Variants in TBC1D16 observed in about 807,000 individuals in gnomAD.
TBC1D16 encodes CTD-2529O21.1.
A neutral mutation model predicts 74.7 loss-of-function variants in TBC1D16; 58 were observed. The ratio of observed to expected loss-of-function variants is 0.78; its 90% CI spans 0.63 to 0.97. The LOEUF (loss-of-function observed/expected upper bound fraction) is 0.97. TBC1D16 is among the 50% of genes least tolerant of loss of function. The pLI, the probability that TBC1D16 is intolerant of heterozygous loss-of-function variation, is 0.00. For synonymous variants in TBC1D16, 493 were observed against 474.7 expected (o/e 1.04, Z -0.50); for missense variants, 1,014 against 1,079.5 (o/e 0.94, Z 0.85).
chr17:79,963,763 G>T (rs1336317480), intron 3 of TBC1D16, among the ~76,000 whole-genome samples: 1 of 152,134 alleles, frequency 6.6e-6, no homozygotes, highest in Non-Finnish European at 1.5e-5. Flanking sequence ...TTTTTTGATA[G>T]TAGCCATCCT....
rs977786149 is a variant in TBC1D16 at position 79,954,805 on chromosome 17, G to A, written c.780-1987C>T. Among the ~76,000 whole-genome samples the A allele has an allele frequency of 2.0e-5, 3 of 152,046 alleles. No homozygotes were observed. Among genetic ancestry groups the A allele is most frequent in the African/African-American group, 7.2e-5 (3 of 41,416 alleles). On this transcript the variant is annotated intron_variant, in intron 3 of 11. Transcript: ENST00000310924. The surrounding 1 kb of genome is among the most constrained non-coding windows in gnomAD (Gnocchi z 5.5). ...CCATCAGAGGGTGGTATCCTTTCCCGCCTCCTCCCCCAGCCTTCTTACCAC... is the reference window on the plus strand; with the variant it reads ...CCATCAGAGGGTGGTATCCTTTCCCACCTCCTCCCCCAGCCTTCTTACCAC...
At chr17:79,942,551 C>G (rs1320535359) in intron 10 of TBC1D16, among the ~76,000 whole-genome samples, 1 of 151,812 alleles carries the variant, frequency 6.6e-6, no homozygotes, top group African/African-American at 2.4e-5. Context: ...CAAAGAGCAC[C>G]CTTCCTCAGA....
chr17:79,960,368 CATT>C, intron 3 of TBC1D16, among the ~76,000 whole-genome samples: 1 of 152,240 alleles, frequency 6.6e-6, no homozygotes, highest in South Asian at 2.1e-4. Flanking sequence ...CGACAGCATT[CATT>C]ATTAGAGAAA....
chr17:79,945,119 T>G, intron 9 of TBC1D16, 32 bp from the exon 10 acceptor site: 1 of 1,538,266 alleles, frequency 6.5e-7, no homozygotes, highest in Non-Finnish European at 8.8e-7. Flanking sequence ...GTTAGTTAGC[T>G]CCGGTCCCAT....
Position 80,008,281 on chromosome 17 carries a change from G to A in TBC1D16, c.779+1879C>T, listed in dbSNP as rs2035752302. 6.6e-6 allele frequency among the ~76,000 whole-genome samples: 1 copy of A among 152,134 alleles called. No homozygotes were observed. The highest frequency in any genetic ancestry group is 2.1e-4 in the South Asian group (1 of 4,826). On this transcript the variant is annotated intron_variant, in intron 3 of 11. Coordinates refer to ENST00000310924, the MANE Select transcript of TBC1D16 (RefSeq NM_019020.4). The surrounding 1 kb of genome is among the most constrained non-coding windows in gnomAD (Gnocchi z 4.5). The stretch of plus-strand genomic sequence containing the variant: ...CTCATCTTACAAACAGGGAAACCGA[G>A]GCTCCAAGAAAAGAAAGAATTTCCC...
rs192526339 is a variant in TBC1D16 at position 80,010,090 on chromosome 17, G to T, written c.779+70C>A. On this transcript the variant is annotated intron_variant, in intron 3 of 11. Coordinates refer to ENST00000310924, the MANE Select transcript of TBC1D16 (RefSeq NM_019020.4). The surrounding 1 kb of genome is among the most constrained non-coding windows in gnomAD (Gnocchi z 8.8). ...TCACCTGGCATCACAGGTGACGCAG[G>T]TGAGTGCTTCCTGCCCAGGTCAGGC... 1.3e-3 allele frequency: 1,747 copies of T among 1,303,524 alleles called. 6 individuals carry two copies. In the Middle Eastern group the frequency reaches 0.022, roughly 16 times the overall value. The allele number at this position is 1,303,524 out of a possible 1,614,324, so 80.7% of individuals were successfully genotyped here.
At position 80,001,705 on chromosome 17, in the gene TBC1D16, G is replaced by A. The variant is rs1304221207; in HGVS notation, c.779+8455C>T. ...CTCCCCTGGGTGGCGGCAGCTCCTG[G>A]ATATCTGTGCTGCACCTGCCCCTGG... On this transcript the variant is annotated intron_variant, in intron 3 of 11. Transcript: ENST00000310924. The surrounding 1 kb of genome is among the most constrained non-coding windows in gnomAD (Gnocchi z 5.8). Among the ~76,000 whole-genome samples the A allele has an allele frequency of 1.3e-5, 2 of 152,086 alleles. No individual in the cohort carries two copies. The highest frequency in any genetic ancestry group is 4.8e-5 in the African/African-American group (2 of 41,402).
At chr17:79,952,573 G>T in intron 4 of TBC1D16, 84 bp downstream of exon 4, 1 of 1,488,144 alleles carries the variant, frequency 6.7e-7, no homozygotes. Flanking sequence ...CCCAAGCCGT[G>T]CACTGCACCG....
At chr17:79,951,044 G>A (rs1598336176) in intron 5 of TBC1D16, among the ~76,000 whole-genome samples, 1 of 152,176 alleles carries the variant, frequency 6.6e-6, no homozygotes, top group Admixed American at 6.5e-5. Context: ...GTTGTTCAAT[G>A]TAGGGGGAAA....
At position 79,932,625 on chromosome 17, in the gene TBC1D16, C is replaced by G. The variant is rs1341341051; in HGVS notation, c.*8234G>C. 1 of 152,204 alleles carries G rather than the reference C, an allele frequency of 6.6e-6. No homozygotes were observed. Among genetic ancestry groups the G allele is most frequent in the African/African-American group, 2.4e-5 (1 of 41,458 alleles). The allele number at this position is 152,204 out of a possible 1,614,324, so 9.4% of individuals were successfully genotyped here. ...ACTTGTAGCCACTAGGACCCTGTGT[C>G]TTTTTCTATTGTGCTTGTTCATGGC... On this transcript the variant is annotated 3_prime_UTR_variant, in exon 12 of 12. Transcript: ENST00000310924.
At position 79,933,378 on chromosome 17, in the gene TBC1D16, C is replaced by T. The variant is rs899226472; in HGVS notation, c.*7481G>A. 1 of 152,232 alleles carries T rather than the reference C, an allele frequency of 6.6e-6. No homozygotes were observed. Among genetic ancestry groups the T allele is most frequent in the Non-Finnish European group, 1.5e-5 (1 of 68,060 alleles). 9.4% of individuals were successfully genotyped at this position (152,232 alleles called of 1,614,324 possible). A position where few individuals can be genotyped will look rare whatever the true frequency, so the allele number is the denominator to read the frequency against. ...TGAGTCCCAGCCAAAGCGGCAAAGC[C>T]AGACCTCCCGGGATTCCTTGAGTTT... On this transcript the variant is annotated 3_prime_UTR_variant, in exon 12 of 12. Coordinates refer to ENST00000310924, the MANE Select transcript of TBC1D16 (RefSeq NM_019020.4).
At position 79,945,101 on chromosome 17, in the gene TBC1D16, C is replaced by A; in HGVS notation, c.1729-14G>T. 1 of 1,567,244 alleles carries A rather than the reference C, an allele frequency of 6.4e-7. No individual in the cohort carries two copies. Among genetic ancestry groups the A allele is most frequent in the Non-Finnish European group, 8.6e-7 (1 of 1,157,002 alleles). On this transcript the variant is annotated splice_polypyrimidine_tract_variant and intron_variant, in intron 9 of 11. Transcript: ENST00000310924. Reference sequence around the variant, plus strand: ...GCGCAGGTACAGCTGGGGGTGAGGCCGTCACGCGTTAGTTAGCTCCGGTCC... The same window carrying A: ...GCGCAGGTACAGCTGGGGGTGAGGCAGTCACGCGTTAGTTAGCTCCGGTCC...
At position 79,944,459 on chromosome 17, in the gene TBC1D16, G is replaced by A. The variant is rs1568569330; in HGVS notation, c.1908+449C>T. On this transcript the variant is annotated intron_variant, in intron 10 of 11. Transcript: ENST00000310924. This position sits in a 1 kb window ranked among gnomAD's most constrained non-coding sequence, Gnocchi z 7.7. ...TCGGTATCACTGATTGGGGCCCTCT[G>A]GAGGGGCCGACAGGGAAGTGGGATC... Among the ~76,000 whole-genome samples the A allele has an allele frequency of 1.3e-5, 2 of 151,796 alleles. No homozygotes were observed. The highest frequency in any genetic ancestry group is 6.5e-5 in the Admixed American group (1 of 15,282).
chr17:80,020,309 TGTG>T (rs1473532977), intron 1 of TBC1D16, among the ~76,000 whole-genome samples: 2 of 149,874 alleles, frequency 1.3e-5, no homozygotes, highest in East Asian at 1.9e-4. Context: ...TAAGGCCAGG[TGTG>T]GTGGCTCACG....
intron 3 of TBC1D16, among the ~76,000 whole-genome samples, chr17:79,955,277 G>A (rs2143799069): frequency 6.6e-6 from 1 of 152,274 alleles, no homozygotes; most frequent in African/African-American, 2.4e-5. Context: ...GGTACCCCAG[G>A]CCCTGTGTGG....
At chr17:80,019,442 C>T (rs1474493234) in intron 1 of TBC1D16, among the ~76,000 whole-genome samples, 2 of 142,476 alleles carry the variant, frequency 1.4e-5, no homozygotes, top group African/African-American at 2.8e-5. Flanking sequence ...CAGGACAACC[C>T]CCCCCCGCCC....
chr17:79,949,088 C>G, intron 7 of TBC1D16, 82 bp from the exon 8 acceptor site: 1 of 1,569,592 alleles, frequency 6.4e-7, no homozygotes, highest in African/African-American at 1.3e-5. Flanking sequence ...AGGAAGCCAC[C>G]CTTCCTCCCA....
At chr17:80,004,622 C>T (rs2035608395) in intron 3 of TBC1D16, among the ~76,000 whole-genome samples, 1 of 152,188 alleles carries the variant, frequency 6.6e-6, no homozygotes, top group South Asian at 2.1e-4. Flanking sequence ...CTCCTTTTTC[C>T]CCACTGTAAG....
rs996242780 is a variant in TBC1D16 at position 79,950,306 on chromosome 17, C to G, written c.1257+105G>C. The G allele has an allele frequency of 3.0e-6, 4 of 1,334,042 alleles. No individual in the cohort carries two copies. Among genetic ancestry groups the G allele is most frequent in the Non-Finnish European group, 4.0e-6 (4 of 1,006,258 alleles). The allele number at this position is 1,334,042 out of a possible 1,614,324, so 82.6% of individuals were successfully genotyped here. ...ACGGGGCCCTCACGAGGAGGTGGCC[C>G]GTGGGTGCGGGCGGGCGGCCAGGCC... On this transcript the variant is annotated intron_variant, in intron 6 of 11. Coordinates refer to ENST00000310924, the MANE Select transcript of TBC1D16 (RefSeq NM_019020.4). The surrounding 1 kb of genome is among the most constrained non-coding windows in gnomAD (Gnocchi z 4.6).
Sources: gnomAD v4.1 joint callset for allele counts (sites outside exome capture counted in the v4.1 genomes callset) on GRCh38, gnomAD v4.1.1 for gene constraint, Gnocchi (gnomAD v3.1) non-coding constraint, MANE v1.5 for transcripts, NCBI Gene and HGNC (gene_info 2026-07-23, HGNC 2026-07-21) for gene names.